The following CSNK2A2IP variants were observed in gnomAD, a reference collection of about 807,000 sequenced individuals.
The protein encoded by CSNK2A2IP is casein kinase 2 subunit alpha' interacting protein, also known as casein kinase II subunit alpha'-interacting protein.
At chr3:88,448,606 A>T in the CSNK2A2IP span, among the ~76,000 whole-genome samples, 1 of 152,184 alleles carries the variant, frequency 6.6e-6, no homozygotes, top group Non-Finnish European at 1.5e-5. Flanking sequence ...AGCAACTCCT[A>T]TTTGGACCTA....
At chr3:88,366,071 C>T in the CSNK2A2IP span, among the ~76,000 whole-genome samples, 140 of 149,388 alleles carry the variant, frequency 9.4e-4, 1 homozygote, top group African/African-American at 3.1e-3. Flanking sequence ...TCTGTCCAAA[C>T]GTTACTGCAT....
the CSNK2A2IP span, among the ~76,000 whole-genome samples, chr3:88,443,575 A>G: frequency 6.6e-6 from 1 of 152,128 alleles, no homozygotes; most frequent in African/African-American, 2.4e-5. Context: ...TATTCTTTAA[A>G]GATAGAGAAA....
chr3:88,343,377 C>A, the CSNK2A2IP span: 1 of 151,940 alleles, frequency 6.6e-6, no homozygotes, highest in African/African-American at 2.4e-5. Context: ...AAAAAGGAGA[C>A]AGAAACAAGG....
chr3:88,428,898 T>C, the CSNK2A2IP span, among the ~76,000 whole-genome samples: 1 of 151,846 alleles, frequency 6.6e-6, no homozygotes, highest in African/African-American at 2.4e-5. Context: ...CAGATATTTA[T>C]AATATTTATG....
chr3:88,354,518 G>A, the CSNK2A2IP span, among the ~76,000 whole-genome samples: 3 of 152,148 alleles, frequency 2.0e-5, no homozygotes, highest in South Asian at 2.1e-4. Context: ...GTAGGCAAAA[G>A]GATGGGTGAA....
chr3:88,368,838 G>C, the CSNK2A2IP span, among the ~76,000 whole-genome samples: 1 of 152,004 alleles, frequency 6.6e-6, no homozygotes, highest in Non-Finnish European at 1.5e-5. Context: ...CCTCATTCAA[G>C]TTTAGAGGGC....
At chr3:88,422,237 T>G in the CSNK2A2IP span, among the ~76,000 whole-genome samples, 1 of 152,164 alleles carries the variant, frequency 6.6e-6, no homozygotes, top group Admixed American at 6.5e-5. Flanking sequence ...TTCCTTAACT[T>G]CTAGGATGGA....
chr3:88,348,709 C>G, the CSNK2A2IP span, among the ~76,000 whole-genome samples: 1 of 151,982 alleles, frequency 6.6e-6, no homozygotes, highest in African/African-American at 2.4e-5. Flanking sequence ...GCCAGAAAAG[C>G]CCTTTTTTGG....
At chr3:88,362,337 A>G in the CSNK2A2IP span, among the ~76,000 whole-genome samples, 3 of 152,190 alleles carry the variant, frequency 2.0e-5, no homozygotes, top group African/African-American at 4.8e-5. Context: ...ATCTAAACCC[A>G]GCAATGCTGT....
the CSNK2A2IP span, among the ~76,000 whole-genome samples, chr3:88,339,782 A>C: frequency 6.6e-6 from 1 of 152,078 alleles, no homozygotes; most frequent in African/African-American, 2.4e-5. Context: ...AAACCATATA[A>C]TTTTTGTGTG....
At chr3:88,393,233 C>T in the CSNK2A2IP span, among the ~76,000 whole-genome samples, 1 of 152,288 alleles carries the variant, frequency 6.6e-6, no homozygotes, top group South Asian at 2.1e-4. Flanking sequence ...TAAACTTACT[C>T]AGTCTTGAGA....
the CSNK2A2IP span, among the ~76,000 whole-genome samples, chr3:88,370,384 C>T: frequency 2.0e-5 from 3 of 151,836 alleles, 1 homozygote; most frequent in South Asian, 6.2e-4. Context: ...GTTGGACTAG[C>T]AGTGGCTAGA....
chr3:88,353,210 A>G, the CSNK2A2IP span, among the ~76,000 whole-genome samples: 1 of 152,176 alleles, frequency 6.6e-6, no homozygotes, highest in Non-Finnish European at 1.5e-5. Flanking sequence ...CTGGAAAGGC[A>G]TTCACTCATT....
chr3:88,338,847 G>A, the CSNK2A2IP span, among the ~76,000 whole-genome samples: 1 of 152,146 alleles, frequency 6.6e-6, no homozygotes, highest in Non-Finnish European at 1.5e-5. Context: ...GCTACTAAGA[G>A]GTGGCTGTAA....
chr3:88,422,112 T>C, the CSNK2A2IP span, among the ~76,000 whole-genome samples: 1 of 152,188 alleles, frequency 6.6e-6, no homozygotes, highest in Admixed American at 6.5e-5. Context: ...AATGAAAACA[T>C]TGGCAAAAAA....
chr3:88,377,416 T>G, the CSNK2A2IP span, among the ~76,000 whole-genome samples: 3 of 151,880 alleles, frequency 2.0e-5, no homozygotes, highest in African/African-American at 7.2e-5. Context: ...ATTTGTCTGC[T>G]TCTCTACATT....
At chr3:88,371,700 A>G in the CSNK2A2IP span, among the ~76,000 whole-genome samples, 8 of 151,758 alleles carry the variant, frequency 5.3e-5, no homozygotes, top group Admixed American at 5.3e-4. Context: ...ACCTACAGGA[A>G]GTTCAGTGTG....
At chr3:88,430,159 A>G in the CSNK2A2IP span, among the ~76,000 whole-genome samples, 1 of 152,042 alleles carries the variant, frequency 6.6e-6, no homozygotes, top group Non-Finnish European at 1.5e-5. Context: ...ATGCATGATG[A>G]ATGTTTCAAC....
chr3:88,380,033 C>T, the CSNK2A2IP span, among the ~76,000 whole-genome samples: 1 of 151,724 alleles, frequency 6.6e-6, no homozygotes, highest in Non-Finnish European at 1.5e-5. Context: ...TTAAGTAAAA[C>T]TAAAAATGTT....
Sources: allele counts gnomAD v4.1 joint callset (sites outside exome capture counted in the v4.1 genomes callset), GRCh38; gene constraint gnomAD v4.1.1; transcripts MANE v1.5; gene names NCBI Gene and HGNC (gene_info 2026-07-23, HGNC 2026-07-21).